APPBP2: variants seen among roughly 807,000 people sequenced by gnomAD.
The protein encoded by APPBP2 is amyloid beta precursor protein binding protein 2.
In APPBP2, 15 loss-of-function variants were observed where a neutral mutation model predicts 76.0. The ratio of observed to expected loss-of-function variants is 0.20; its 90% CI spans 0.13 to 0.30. The LOEUF is 0.30. Ranked by LOEUF, APPBP2 falls within the 10% of genes least tolerant of loss-of-function variation. APPBP2 has a pLI of 1.00. For synonymous variants in APPBP2, 222 were observed against 242.2 expected (o/e 0.92, Z 0.77); for missense variants, 401 against 687.2 (o/e 0.58, Z 4.66).
chr17:60,485,962 T>C (rs979228043), intron 3 of APPBP2, among the ~76,000 whole-genome samples: 23 of 152,202 alleles, frequency 1.5e-4, no homozygotes, highest in African/African-American at 5.3e-4. Context: ...ATTTACCCAG[T>C]AGTCATTCAG....
Position 60,494,463 on chromosome 17 carries a change from T to C in APPBP2, c.379+3A>G, listed in dbSNP as rs187100390. The C allele has an allele frequency of 1.2e-6, 2 of 1,604,766 alleles. No homozygotes were observed. Among genetic ancestry groups the C allele is most frequent in the East Asian group, 2.2e-5 (1 of 44,776 alleles). The stretch of plus-strand genomic sequence containing the variant: ...AAAATACTTCTGTTCCACCATTACT[T>C]ACCTAAAACAAAGCCAACCTGAATG... On this transcript the variant is annotated splice_donor_region_variant and intron_variant, in intron 3 of 12. Transcript: ENST00000083182.
intron 3 of APPBP2, among the ~76,000 whole-genome samples, chr17:60,487,742 C>T (rs964455093): frequency 2.0e-5 from 3 of 152,168 alleles, no homozygotes; most frequent in East Asian, 1.9e-4. Context: ...CCATTGCTGG[C>T]GAGGAGCTGC....
In APPBP2 at chr17:60,447,497, C is replaced by A; in HGVS notation, c.*84G>T. 2 of 1,481,616 alleles carry A rather than the reference C, an allele frequency of 1.3e-6. No homozygotes were observed. Among genetic ancestry groups the A allele is most frequent in the Non-Finnish European group, 9.0e-7 (1 of 1,107,472 alleles). The allele number at this position is 1,481,616 out of a possible 1,614,324, so 91.8% of individuals were successfully genotyped here. A position where few individuals can be genotyped will look rare whatever the true frequency, so the allele number is the denominator to read the frequency against. On this transcript the variant is annotated 3_prime_UTR_variant, in exon 13 of 13. Coordinates refer to ENST00000083182, the MANE Select transcript of APPBP2 (RefSeq NM_006380.5). Reference sequence around the variant, plus strand: ...ACCAGTGTTTCAATGCAAATTCCAGCCCCCCAAAACAACATGGTTTTGATT... The same window carrying A: ...ACCAGTGTTTCAATGCAAATTCCAGACCCCCAAAACAACATGGTTTTGATT...
chr17:60,518,794 G>A (rs572884703), intron 1 of APPBP2, among the ~76,000 whole-genome samples: 55 of 152,118 alleles, frequency 3.6e-4, no homozygotes, highest in Non-Finnish European at 6.6e-4. Flanking sequence ...GTAAGCCACT[G>A]CTCCCTGCTC....
chr17:60,463,317 C>T (rs1435268680), intron 6 of APPBP2, among the ~76,000 whole-genome samples: 1 of 152,116 alleles, frequency 6.6e-6, no homozygotes, highest in Admixed American at 6.6e-5. Flanking sequence ...TAAAATACTA[C>T]TAAATGTCCT....
At chr17:60,448,703 C>T (rs1567916092) in intron 12 of APPBP2, among the ~76,000 whole-genome samples, 1 of 152,000 alleles carries the variant, frequency 6.6e-6, no homozygotes, top group Non-Finnish European at 1.5e-5. Context: ...AAGTAAAATA[C>T]CAAAGAGTAT....
chr17:60,513,997 TAAAAA>T (rs35785295), intron 1 of APPBP2, among the ~76,000 whole-genome samples: 1 of 108,572 alleles, frequency 9.2e-6, no homozygotes, highest in Admixed American at 1.0e-4. Context: ...TTCCCCACAT[TAAAAA>T]AAAAAAAAAA....
chr17:60,521,412 C>A (rs933864165), intron 1 of APPBP2, among the ~76,000 whole-genome samples: 6 of 152,230 alleles, frequency 3.9e-5, no homozygotes, highest in African/African-American at 1.4e-4. Context: ...CACTCACTCA[C>A]TGACTTACCA....
chr17:60,480,135 A>AT (rs1404415094), intron 3 of APPBP2, among the ~76,000 whole-genome samples: 2 of 152,096 alleles, frequency 1.3e-5, no homozygotes, highest in African/African-American at 4.8e-5. Context: ...TCTAAAACAC[A>AT]TTTTTTTGCA....
At chr17:60,505,674 C>T (rs1370116643) in intron 1 of APPBP2, among the ~76,000 whole-genome samples, 3 of 98,272 alleles carry the variant, frequency 3.1e-5, no homozygotes, top group African/African-American at 1.3e-4. Context: ...CTGACCCCTG[C>T]GGTTTTTTTT....
intron 10 of APPBP2, 62 bp from the exon 11 acceptor site, chr17:60,454,554 T>C (rs1243485754): frequency 3.5e-5 from 39 of 1,108,774 alleles, no homozygotes; most frequent in Non-Finnish European, 4.9e-5. Context: ...AGTAAGAACA[T>C]CTAATTTAAA....
intron 4 of APPBP2, among the ~76,000 whole-genome samples, chr17:60,471,928 C>T (rs1225605111): frequency 6.6e-6 from 1 of 152,110 alleles, no homozygotes; most frequent in African/African-American, 2.4e-5. Context: ...GAGTTCGAGA[C>T]CAGCCTGGCC....
intron 1 of APPBP2, among the ~76,000 whole-genome samples, chr17:60,514,857 G>A (rs572607152): frequency 4.6e-5 from 7 of 152,220 alleles, no homozygotes; most frequent in Admixed American, 3.9e-4. Flanking sequence ...AGGCTGGGGT[G>A]CAGCAGTGCA....
chr17:60,525,181 A>G (rs2091041976), intron 1 of APPBP2, among the ~76,000 whole-genome samples: 1 of 152,234 alleles, frequency 6.6e-6, no homozygotes, highest in South Asian at 2.1e-4. Flanking sequence ...CCATTTTCAC[A>G]AAATCCCTAA....
intron 3 of APPBP2, among the ~76,000 whole-genome samples, chr17:60,481,672 G>A (rs1487778263): frequency 3.9e-5 from 6 of 152,180 alleles, no homozygotes; most frequent in African/African-American, 1.4e-4. Flanking sequence ...TACTACAATA[G>A]AGCTGGGCTT....
At chr17:60,496,483 AGC>A (rs1446728066) in intron 2 of APPBP2, 3 of 152,218 alleles carry the variant, frequency 2.0e-5, no homozygotes, top group Non-Finnish European at 2.9e-5. Flanking sequence ...TCTTTACAAC[AGC>A]CACGTTTAAA....
intron 12 of APPBP2, among the ~76,000 whole-genome samples, chr17:60,449,683 A>AC (rs2143280360): frequency 6.7e-6 from 1 of 149,656 alleles, no homozygotes; most frequent in African/African-American, 2.6e-5. Context: ...ATTGATCCCT[A>AC]CTTCACACCA....
At chr17:60,458,782 G>GGT (rs892205205) in intron 9 of APPBP2, among the ~76,000 whole-genome samples, 5 of 120,716 alleles carry the variant, frequency 4.1e-5, no homozygotes, top group African/African-American at 2.3e-4. Context: ...TTTTTTTTTT[G>GGT]TTTTTTTTTT....
intron 1 of APPBP2, among the ~76,000 whole-genome samples, chr17:60,509,663 G>A (rs186641420): frequency 1.1e-3 from 172 of 152,232 alleles, no homozygotes; most frequent in South Asian, 2.5e-3. Flanking sequence ...TTAGCCGGGC[G>A]TGGTGGCACA....
Sources: allele counts gnomAD v4.1 joint callset (sites outside exome capture counted in the v4.1 genomes callset), GRCh38; gene constraint gnomAD v4.1.1; transcripts MANE v1.5; gene names NCBI Gene and HGNC (gene_info 2026-07-23, HGNC 2026-07-21).